Variants in CFAP52 observed in about 807,000 individuals in gnomAD.
CFAP52 encodes cilia- and flagella-associated protein 52.
Under a neutral mutation model 70.5 loss-of-function variants are expected in CFAP52, and 57 were observed. That is an observed-to-expected ratio of 0.81 (90% CI 0.65 to 1.01). CFAP52 has a LOEUF of 1.01. Among genes scored for constraint, CFAP52 ranks in the 50% least tolerant of loss-of-function variants. CFAP52 has a pLI of 0.00. For missense variants in CFAP52, 785 were observed against 788.5 expected (o/e 1.00, Z 0.05); for synonymous variants, 267 against 292.5 (o/e 0.91, Z 0.89).
intron 7 of CFAP52, among the ~76,000 whole-genome samples, chr17:9,610,540 T>G (rs528545280): frequency 3.4e-4 from 51 of 152,000 alleles, no homozygotes; most frequent in African/African-American, 8.2e-4. Context: ...CATTTTTTTT[T>G]TTTGTTTGTT....
intron 8 of CFAP52, among the ~76,000 whole-genome samples, chr17:9,625,221 G>C (rs1482286068): frequency 6.6e-6 from 1 of 151,862 alleles, no homozygotes; most frequent in Non-Finnish European, 1.5e-5. Flanking sequence ...AAACACAGTA[G>C]AATCCTCCCT....
chr17:9,626,900 TTGAAATGTGTTCA>T (rs1485944943), intron 8 of CFAP52, among the ~76,000 whole-genome samples: 1 of 152,340 alleles, frequency 6.6e-6, no homozygotes, highest in East Asian at 1.9e-4. Context: ...GGACTCTTTT[TTGAAATGTGTTCA>T]TGAAAAAATG....
chr17:9,629,778 C>T (rs1296833833), intron 9 of CFAP52, among the ~76,000 whole-genome samples: 1 of 151,854 alleles, frequency 6.6e-6, no homozygotes, highest in African/African-American at 2.4e-5. Context: ...TTAGTAAAAA[C>T]GGGTTTTCAC....
At chr17:9,638,571 G>T in intron 11 of CFAP52, 38 bp from the exon 12 acceptor site, 1 of 1,597,124 alleles carries the variant, frequency 6.3e-7, no homozygotes, top group South Asian at 1.1e-5. Context: ...CTAGGGAAGA[G>T]AAAGTCGACT....
chr17:9,636,952 G>T (rs760109531), intron 11 of CFAP52, among the ~76,000 whole-genome samples: 1 of 152,168 alleles, frequency 6.6e-6, no homozygotes. Context: ...GGCTGAGGCA[G>T]GAGAATCGCT....
intron 8 of CFAP52, among the ~76,000 whole-genome samples, chr17:9,625,852 A>G (rs1293414486): frequency 6.6e-6 from 1 of 152,208 alleles, no homozygotes; most frequent in Admixed American, 6.5e-5. Flanking sequence ...CTCCAGCCTT[A>G]CAAGATGTAC....
chr17:9,591,887 A>C (rs1908776552), intron 3 of CFAP52, among the ~76,000 whole-genome samples: 1 of 152,106 alleles, frequency 6.6e-6, no homozygotes, highest in African/African-American at 2.4e-5. Context: ...CAAAAAAAAA[A>C]TTGTTTTTGA....
chr17:9,611,356 C>CT (rs1233717769), intron 7 of CFAP52, among the ~76,000 whole-genome samples: 1 of 151,388 alleles, frequency 6.6e-6, no homozygotes, highest in South Asian at 2.1e-4. Context: ...CCTAGTTTTT[C>CT]TTTTTTTTCT....
chr17:9,642,934 C>A (rs1911143157), intron 13 of CFAP52, 89 bp from the exon 14 acceptor site: 5 of 1,114,512 alleles, frequency 4.5e-6, no homozygotes, highest in Non-Finnish European at 1.2e-6. Flanking sequence ...ACATGGGGAC[C>A]ATGTTGAAAA....
In CFAP52 at chr17:9,611,779, C is replaced by T. The variant is rs557883312; in HGVS notation, c.855-530C>T. Among the ~76,000 whole-genome samples the T allele has an allele frequency of 5.4e-4, 82 of 152,276 alleles. 1 individual carries two copies. The South Asian group carries it at 7.7e-3, about 14-fold the overall frequency. On this transcript the variant is annotated intron_variant, in intron 7 of 13. Coordinates refer to ENST00000352665, the MANE Select transcript of CFAP52 (RefSeq NM_145054.5). ...TCTTTTTATTATGGTAACATATACA[C>T]GTACTACATAATCTTTTAAACTTTT... is the stretch of plus-strand genomic sequence containing the variant.
chr17:9,585,644 G>A, intron 1 of CFAP52, 129 bp from the exon 2 acceptor site: 1 of 931,818 alleles, frequency 1.1e-6, no homozygotes, highest in East Asian at 2.4e-5. Flanking sequence ...TGCACCCCAG[G>A]CTGGGTGACA....
downstream of CFAP52, among the ~76,000 whole-genome samples, chr17:9,643,923 T>C (rs73255705): frequency 2.0e-5 from 3 of 152,170 alleles, no homozygotes; most frequent in Non-Finnish European, 4.4e-5. Context: ...TGTGTCCTTG[T>C]GTATTAATCA....
intron 6 of CFAP52, among the ~76,000 whole-genome samples, chr17:9,605,281 A>G (rs1909437941): frequency 6.6e-6 from 1 of 152,204 alleles, no homozygotes; most frequent in South Asian, 2.1e-4. Flanking sequence ...AATGAGCTAT[A>G]AAGTCAGGAA....
intron 9 of CFAP52, among the ~76,000 whole-genome samples, chr17:9,631,422 A>G (rs996738706): frequency 1.3e-5 from 2 of 152,142 alleles, no homozygotes; most frequent in Non-Finnish European, 2.9e-5. Context: ...AATGGGATCT[A>G]CCTTTAGCAT....
chr17:9,628,869 G>T (rs201932551), intron 9 of CFAP52, 49 bp downstream of exon 9: 19 of 1,610,478 alleles, frequency 1.2e-5, no homozygotes, highest in Middle Eastern at 1.8e-4. Flanking sequence ...CTGCGGTTTT[G>T]ATTCTTGTCA....
At chr17:9,586,879 CT>C in intron 3 of CFAP52, 45 bp downstream of exon 3, 1 of 1,533,848 alleles carries the variant, frequency 6.5e-7, no homozygotes. Flanking sequence ...TTTTTTTTAA[CT>C]TTTATTTCAG....
intron 12 of CFAP52, 110 bp from the exon 13 acceptor site, chr17:9,641,614 T>C (rs980270751): frequency 5.9e-6 from 4 of 678,700 alleles, no homozygotes; most frequent in African/African-American, 3.5e-5. Flanking sequence ...TATCATCCCG[T>C]GGTGTATTTT....
chr17:9,596,059 G>GTGTGTGTGTA lies in CFAP52; in HGVS notation c.536+1739_536+1740insGTGTGTGTAT, dbSNP rs1555541607. 8.0e-3 allele frequency among the ~76,000 whole-genome samples: 681 copies of GTGTGTGTGTA among 85,154 alleles called. 9 individuals are homozygous for GTGTGTGTGTA. The highest frequency in any genetic ancestry group is 0.012 in the Non-Finnish European group (535 of 42,950). 55.9% of individuals were successfully genotyped at this position (85,154 alleles called of 152,430 possible). A position where few individuals can be genotyped will look rare whatever the true frequency, so the allele number is the denominator to read the frequency against. ...TATGTATGTAGATATATATGTGTGT[G>GTGTGTGTGTA]TATATATATATATATATATATATAT... is the stretch of plus-strand genomic sequence containing the variant. On this transcript the variant is annotated intron_variant, in intron 4 of 13. Transcript: ENST00000352665.
chr17:9,627,091 T>A (rs2151947137), intron 8 of CFAP52, among the ~76,000 whole-genome samples: 1 of 151,810 alleles, frequency 6.6e-6, no homozygotes, highest in South Asian at 2.1e-4. Context: ...ATTGGTAATT[T>A]ACATTGTATT....
Sources: allele counts gnomAD v4.1 joint callset (sites outside exome capture counted in the v4.1 genomes callset), GRCh38; gene constraint gnomAD v4.1.1; transcripts MANE v1.5; gene names NCBI Gene and HGNC (gene_info 2026-07-23, HGNC 2026-07-21).